Variants in NTM observed in about 807,000 individuals in gnomAD.
NTM encodes neurotrimin, also known as IgLON family member 2.
In NTM, 13 loss-of-function variants were observed where a neutral mutation model predicts 42.1. That is an observed-to-expected ratio of 0.31 (90% CI 0.20 to 0.49). NTM has a LOEUF of 0.49. Ranked by LOEUF, NTM falls within the 20% of genes least tolerant of loss-of-function variation. The pLI, the probability that NTM is intolerant of heterozygous loss-of-function variation, is 0.99. For missense variants in NTM, 373 were observed against 452.8 expected (o/e 0.82, Z 1.60); for synonymous variants, 187 against 179.2 (o/e 1.04, Z -0.35).
chr11:131,412,300 C>A (rs550372888), intron 1 of NTM, among the ~76,000 whole-genome samples: 9 of 152,112 alleles, frequency 5.9e-5, no homozygotes, highest in African/African-American at 1.9e-4. Context: ...CCAGGATAGA[C>A]CAAGCCCCAG....
At chr11:132,300,284 G>A (rs1385692305) in intron 4 of NTM, among the ~76,000 whole-genome samples, 7 of 152,144 alleles carry the variant, frequency 4.6e-5, no homozygotes, top group Non-Finnish European at 8.8e-5. Context: ...GATCATGATA[G>A]CTACGATTTC....
chr11:131,804,026 T>A (rs2092334905), intron 1 of NTM, among the ~76,000 whole-genome samples: 1 of 152,242 alleles, frequency 6.6e-6, no homozygotes, highest in African/African-American at 2.4e-5. Flanking sequence ...CAGCTCTGTC[T>A]TCCTTGCCCC....
chr11:131,915,722 A>C (rs138147335), intron 2 of NTM, among the ~76,000 whole-genome samples: 3 of 152,162 alleles, frequency 2.0e-5, no homozygotes, highest in Admixed American at 6.5e-5. Context: ...TCATGGCAGA[A>C]GGCAAAAGGC....
chr11:131,871,541 T>A (rs1352425403), intron 1 of NTM, among the ~76,000 whole-genome samples: 1 of 152,246 alleles, frequency 6.6e-6, no homozygotes, highest in Non-Finnish European at 1.5e-5. Flanking sequence ...CTATTAGCGA[T>A]CAAACATTGT....
intron 2 of NTM, among the ~76,000 whole-genome samples, chr11:131,988,687 T>C (rs1033552923): frequency 1.3e-5 from 2 of 152,178 alleles, no homozygotes; most frequent in Admixed American, 1.3e-4. Flanking sequence ...GAAATTGATA[T>C]GTGTGGTTCC....
intron 1 of NTM, among the ~76,000 whole-genome samples, chr11:131,379,975 A>G (rs1942444119): frequency 6.6e-6 from 1 of 152,224 alleles, no homozygotes; most frequent in African/African-American, 2.4e-5. Context: ...ATGAAGTCTC[A>G]GCTCTCTGCC....
chr11:131,952,436 TACATAC>T (rs1259967415), intron 2 of NTM, among the ~76,000 whole-genome samples: 1 of 152,252 alleles, frequency 6.6e-6, no homozygotes, highest in African/African-American at 2.4e-5. Context: ...TATATTTATA[TACATAC>T]ACATATACTC....
At chr11:132,284,360 T>C (rs1342730080) in intron 4 of NTM, 2 of 152,320 alleles carry the variant, frequency 1.3e-5, no homozygotes, top group Admixed American at 1.3e-4. Context: ...ATGTAGAAGG[T>C]CGCCTTCTCC....
intron 1 of NTM, among the ~76,000 whole-genome samples, chr11:131,404,618 C>A (rs1381915543): frequency 3.5e-4 from 53 of 152,010 alleles, no homozygotes; most frequent in Admixed American, 3.4e-3. Context: ...AAAGACATCC[C>A]ACACTTAATA....
chr11:131,434,331 T>C (rs185124747), intron 1 of NTM, among the ~76,000 whole-genome samples: 28 of 152,356 alleles, frequency 1.8e-4, no homozygotes, highest in African/African-American at 6.5e-4. Context: ...TCAAATGGTA[T>C]TTCTAGTTCT....
At chr11:131,403,276 C>T (rs1945449238) in intron 1 of NTM, among the ~76,000 whole-genome samples, 1 of 152,186 alleles carries the variant, frequency 6.6e-6, no homozygotes, top group Admixed American at 6.5e-5. Context: ...CCAAATGTTA[C>T]AGCACATCAC....
intron 2 of NTM, among the ~76,000 whole-genome samples, chr11:132,096,260 G>T (rs1369460990): frequency 6.6e-6 from 1 of 152,310 alleles, no homozygotes; most frequent in Admixed American, 6.5e-5. Context: ...GAGTAACAGA[G>T]TGTGTTGTAA....
chr11:131,967,143 G>A (rs1260706266), intron 2 of NTM, among the ~76,000 whole-genome samples: 2 of 152,228 alleles, frequency 1.3e-5, no homozygotes, highest in Non-Finnish European at 2.9e-5. Context: ...GACATGCCAA[G>A]TGGACAGGTG....
intron 1 of NTM, among the ~76,000 whole-genome samples, chr11:131,773,732 G>A (rs1405839430): frequency 6.6e-6 from 1 of 152,132 alleles, no homozygotes; most frequent in Admixed American, 6.5e-5. Flanking sequence ...TCATAACCTA[G>A]CCATCTAAAG....
chr11:131,769,616 A>C (rs2085706298), intron 1 of NTM: 2 of 979,478 alleles, frequency 2.0e-6, no homozygotes, highest in South Asian at 4.7e-5. Context: ...TGAGCTCCAC[A>C]CAATCCTGCC....
intron 1 of NTM, among the ~76,000 whole-genome samples, chr11:131,421,594 C>T (rs186069974): frequency 3.3e-5 from 5 of 152,318 alleles, no homozygotes; most frequent in African/African-American, 4.8e-5. Flanking sequence ...TCCCTAAGGG[C>T]CCATGGAGGA....
At chr11:131,681,597 G>GTGTA (rs2072894214) in intron 1 of NTM, among the ~76,000 whole-genome samples, 1 of 42,092 alleles carries the variant, frequency 2.4e-5, no homozygotes, top group Non-Finnish European at 6.3e-5. Flanking sequence ...ATGTGAGCTT[G>GTGTA]TTTCTGTGTC....
At chr11:132,165,882 C>G (rs11222959) in intron 3 of NTM, among the ~76,000 whole-genome samples, 8,671 of 152,136 alleles carry the variant, frequency 0.057, 325 homozygotes, top group East Asian at 0.15. Flanking sequence ...ATATTTCATG[C>G]TTTAATTTAA....
chr11:132,214,024 G>A lies in NTM; in HGVS notation c.526+1877G>A, dbSNP rs150263068. Among the ~76,000 whole-genome samples the A allele has an allele frequency of 4.9e-3, 302 of 61,406 alleles. 19 individuals carry two copies. In the East Asian group the frequency reaches 0.065, roughly 13 times the overall value. 40.3% of individuals were successfully genotyped at this position (61,406 alleles called of 152,430 possible). Reference sequence around the variant, plus strand: ...GCTGGGATTACAGGCGTGAGCCACCGCGCCCGGCGGGCCACCATTCTTGAC... The same window carrying A: ...GCTGGGATTACAGGCGTGAGCCACCACGCCCGGCGGGCCACCATTCTTGAC... On this transcript the variant is annotated intron_variant, in intron 4 of 8. Transcript: ENST00000683400.
Sources: gnomAD v4.1 joint callset for allele counts (sites outside exome capture counted in the v4.1 genomes callset) on GRCh38, gnomAD v4.1.1 for gene constraint, MANE v1.5 for transcripts, NCBI Gene and HGNC (gene_info 2026-07-23, HGNC 2026-07-21) for gene names.